Variants in PTPRZ1 observed in about 807,000 individuals in gnomAD.
The protein encoded by PTPRZ1 is protein tyrosine phosphatase receptor type Z1.
Under a neutral mutation model 214.1 loss-of-function variants are expected in PTPRZ1, and 82 were observed. The ratio of observed to expected loss-of-function variants is 0.38; its 90% CI spans 0.32 to 0.46. The LOEUF is 0.46. Ranked by LOEUF, PTPRZ1 falls within the 20% of genes least tolerant of loss-of-function variation. The pLI, the probability that PTPRZ1 is intolerant of heterozygous loss-of-function variation, is 1.00. For missense variants in PTPRZ1, 2,603 were observed against 2,748.7 expected (o/e 0.95, Z 1.19); for synonymous variants, 945 against 987.9 (o/e 0.96, Z 0.81).
At chr7:121,935,713 G>A (rs1250589337) in intron 2 of PTPRZ1, among the ~76,000 whole-genome samples, 3 of 151,866 alleles carry the variant, frequency 2.0e-5, no homozygotes, top group Non-Finnish European at 2.9e-5. Flanking sequence ...GACTACAGGC[G>A]CCCGCCACCA....
At chr7:121,983,944 A>G in intron 7 of PTPRZ1, 23 bp from the exon 8 acceptor site, 1 of 1,607,862 alleles carries the variant, frequency 6.2e-7, no homozygotes, top group Non-Finnish European at 8.5e-7. Context: ...CAGATATGTT[A>G]AATTATTTGA....
At chr7:121,948,365 T>C (rs1353117592) in intron 2 of PTPRZ1, among the ~76,000 whole-genome samples, 1 of 152,176 alleles carries the variant, frequency 6.6e-6, no homozygotes. Flanking sequence ...CCTGTTATCC[T>C]AGCGCTCTGG....
intron 1 of PTPRZ1, among the ~76,000 whole-genome samples, chr7:121,900,075 G>A (rs1794913500): frequency 6.6e-6 from 1 of 152,264 alleles, no homozygotes; most frequent in East Asian, 1.9e-4. Flanking sequence ...CAGGGCACGA[G>A]AATAGGTATT....
Position 121,976,156 on chromosome 7 carries a change from C to T in PTPRZ1, c.457-17C>T. 1 of 1,540,832 alleles carries T rather than the reference C, an allele frequency of 6.5e-7. No individual in the cohort carries two copies. Among genetic ancestry groups the T allele is most frequent in the Non-Finnish European group, 9.0e-7 (1 of 1,117,192 alleles). On this transcript the variant is annotated splice_polypyrimidine_tract_variant and intron_variant, in intron 4 of 29. Coordinates refer to ENST00000393386, the MANE Select transcript of PTPRZ1 (RefSeq NM_002851.3). ...AAGTCTTTGTGTATCATAAAACTAT[C>T]ATTGTTACTTTTATAGATGCAAATC...
rs140247463 is a variant in PTPRZ1 at position 121,918,169 on chromosome 7, G to A, written c.59-9987G>A. Among the ~76,000 whole-genome samples the A allele has an allele frequency of 4.0e-3, 611 of 152,258 alleles. 4 individuals carry two copies. Among genetic ancestry groups the A allele is most frequent in the African/African-American group, 0.014 (574 of 41,572 alleles). ...CAGTGAATCAGTCAGCATCCTGACAGCAACTTAACATGACCCGCACCTATT... is the reference window on the plus strand; with the variant it reads ...CAGTGAATCAGTCAGCATCCTGACAACAACTTAACATGACCCGCACCTATT... On this transcript the variant is annotated intron_variant, in intron 1 of 29. Coordinates refer to ENST00000393386, the MANE Select transcript of PTPRZ1 (RefSeq NM_002851.3).
intron 23 of PTPRZ1, among the ~76,000 whole-genome samples, chr7:122,046,203 G>A (rs538680090): frequency 6.6e-6 from 1 of 152,198 alleles, no homozygotes; most frequent in East Asian, 1.9e-4. Flanking sequence ...GGGGACCATG[G>A]TCAAGAATTT....
At chr7:121,937,869 C>G (rs896406466) in intron 2 of PTPRZ1, among the ~76,000 whole-genome samples, 2 of 152,068 alleles carry the variant, frequency 1.3e-5, no homozygotes, top group African/African-American at 2.4e-5. Flanking sequence ...TGCCGAGATC[C>G]TTAAAGTGTA....
At chr7:121,882,764 G>A (rs902512554) in intron 1 of PTPRZ1, among the ~76,000 whole-genome samples, 2 of 152,114 alleles carry the variant, frequency 1.3e-5, no homozygotes, top group Non-Finnish European at 2.9e-5. Context: ...CCTCTTACAC[G>A]GTGGCAGTCA....
chr7:121,926,953 C>A (rs1795782719), intron 1 of PTPRZ1, among the ~76,000 whole-genome samples: 1 of 152,066 alleles, frequency 6.6e-6, no homozygotes, highest in African/African-American at 2.4e-5. Context: ...CTTTGGATAA[C>A]CTGTGAATTT....
At chr7:121,911,448 T>C (rs1195942109) in intron 1 of PTPRZ1, among the ~76,000 whole-genome samples, 1 of 152,098 alleles carries the variant, frequency 6.6e-6, no homozygotes, top group Non-Finnish European at 1.5e-5. Flanking sequence ...CTTGTCTCAG[T>C]AGTCATAACT....
Position 122,038,762 on chromosome 7 carries a change from A to G in PTPRZ1, c.5375A>G (p.Asn1792Ser), listed in dbSNP as rs1799626052. 2.5e-6 allele frequency: 4 copies of G among 1,613,750 alleles called. No homozygotes were observed. Among genetic ancestry groups the G allele is most frequent in the Middle Eastern group, 1.7e-4 (1 of 6,058 alleles). ...TGTCATTTAATTCTTCAGGGCTACAACAGACCAAAAGCTTATATTGCTGCC... is the reference window on the plus strand; with the variant it reads ...TGTCATTTAATTCTTCAGGGCTACAGCAGACCAAAAGCTTATATTGCTGCC... ...YINANYVDGY[N>S]RPKAYIAAQG... The change falls in exon 19 of 30, where the codon AAC (asparagine) becomes AGC (serine). Residue 1792 changes from asparagine (N) to serine (S), a missense_variant. Transcript: ENST00000393386.
chr7:122,022,803 T>G (rs1313193348), intron 13 of PTPRZ1, among the ~76,000 whole-genome samples: 1 of 152,178 alleles, frequency 6.6e-6, no homozygotes, highest in East Asian at 1.9e-4. Context: ...AAAGGACTCA[T>G]GCTTCCCAGT....
chr7:121,997,975 A>C lies in PTPRZ1; in HGVS notation c.1209A>C (p.Gln403His). ...TNGLYGKYSD[Q>H]LIVDMPTDNP... ...GCTTATATGGAAAATACAGCGACCA[A>C]CTGATTGTCGACATGCCTACTGATA... is the stretch of plus-strand genomic sequence containing the variant. Residue 403 changes from glutamine (Q) to histidine (H), a missense_variant, in exon 10 of 30, where the codon CAA becomes CAC. This residue lies in a region of PTPRZ1 where 244 missense variants were observed against 333.2 expected (regional missense o/e 0.73). Transcript: ENST00000393386. The C allele has an allele frequency of 6.2e-7, 1 of 1,613,336 alleles. No individual in the cohort carries two copies. The highest frequency in any genetic ancestry group is 1.1e-5 in the South Asian group (1 of 91,032).
intron 8 of PTPRZ1, among the ~76,000 whole-genome samples, chr7:121,985,547 A>C (rs1225066538): frequency 6.6e-6 from 1 of 152,168 alleles, no homozygotes; most frequent in Non-Finnish European, 1.5e-5. Flanking sequence ...AAGATGCAAG[A>C]CCACATTCTT....
intron 1 of PTPRZ1, among the ~76,000 whole-genome samples, chr7:121,888,400 C>A (rs925663420): frequency 1.3e-5 from 2 of 151,814 alleles, no homozygotes; most frequent in African/African-American, 4.8e-5. Context: ...GGAATACTAT[C>A]AAAGGTAGTG....
intron 14 of PTPRZ1, among the ~76,000 whole-genome samples, chr7:122,029,701 A>G (rs762737108): frequency 6.6e-6 from 1 of 151,514 alleles, no homozygotes; most frequent in Non-Finnish European, 1.5e-5. Flanking sequence ...AAAGTCAAAC[A>G]TTTTATTTAT....
Position 122,012,295 on chromosome 7 carries a change from G to T in PTPRZ1, c.3249G>T (p.Ala1083=), listed in dbSNP as rs566524155. ...ATGATAATGTAAATAAGTTGAATGC[G>T]TCTTTACAAGAAACCTCTGTTTCCA... ...NMYDNVNKLN[A]SLQETSVSIS... Residue 1083 remains alanine (A), a synonymous_variant, in exon 12 of 30, where the codon GCG becomes GCT. Coordinates refer to ENST00000393386, the MANE Select transcript of PTPRZ1 (RefSeq NM_002851.3). 1.2e-6 allele frequency: 2 copies of T among 1,614,118 alleles called. No homozygotes were observed. Among genetic ancestry groups the T allele is most frequent in the South Asian group, 2.2e-5 (2 of 91,076 alleles).
chr7:121,880,655 A>C (rs114313874), intron 1 of PTPRZ1, among the ~76,000 whole-genome samples: 1,548 of 152,320 alleles, frequency 0.01, 32 homozygotes, highest in African/African-American at 0.035. Context: ...ATGGTAATAA[A>C]CAGAGTCTTG....
intron 20 of PTPRZ1, 107 bp downstream of exon 20, chr7:122,039,695 G>A (rs1362836989): frequency 2.2e-6 from 3 of 1,387,346 alleles, no homozygotes; most frequent in Admixed American, 4.4e-5. Context: ...ATAACTAAAG[G>A]CATTAAAAAT....
Sources: allele counts gnomAD v4.1 joint callset (sites outside exome capture counted in the v4.1 genomes callset), GRCh38; gene constraint gnomAD v4.1.1; regional missense constraint gnomAD v4.1.1; transcripts MANE v1.5; gene names NCBI Gene and HGNC (gene_info 2026-07-23, HGNC 2026-07-21).